Variants in UGT1A10 observed in about 807,000 individuals in gnomAD.
UGT1A10 encodes the protein UDP-glucuronosyltransferase 1A10.
UGT1A10 carries 49 observed loss-of-function variants against 45.8 expected under a neutral mutation model. That is an observed-to-expected ratio of 1.07 (90% CI 0.85 to 1.36). The LOEUF (loss-of-function observed/expected upper bound fraction) is 1.36. UGT1A10 is among the 40% of genes most tolerant of loss of function. The pLI is 0.00. For missense variants in UGT1A10, 745 were observed against 668.6 expected (o/e 1.11, Z -1.26); for synonymous variants, 284 against 249.7 (o/e 1.14, Z -1.29).
chr2:233,765,074 T>C (rs1191317330), intron 1 of UGT1A10, among the ~76,000 whole-genome samples: 1 of 152,100 alleles, frequency 6.6e-6, no homozygotes, highest in African/African-American at 2.4e-5. Context: ...GTCTCCTGTG[T>C]CTCACATCTA....
intron 1 of UGT1A10, chr2:233,713,124 C>A (rs746932812): frequency 6.2e-7 from 1 of 1,614,184 alleles, no homozygotes; most frequent in South Asian, 1.1e-5. Flanking sequence ...GCTCAGCATG[C>A]GGGAGGCCTT....
At chr2:233,678,776 C>T (rs1420912210) in intron 1 of UGT1A10, among the ~76,000 whole-genome samples, 2 of 152,172 alleles carry the variant, frequency 1.3e-5, no homozygotes, top group East Asian at 3.9e-4. Context: ...CTATTGATTC[C>T]CTGAGTGTGG....
In UGT1A10 at chr2:233,636,941, G is replaced by C. The variant is rs373903876; in HGVS notation, c.419G>C (p.Ser140Thr). The change falls in exon 1 of 5, where the codon AGT becomes ACT. Residue 140 changes from serine to threonine, a missense_variant. Physicochemically the swap from Ser to Thr is moderately conservative, Grantham distance 58. Coordinates refer to ENST00000344644, the MANE Select transcript of UGT1A10 (RefSeq NM_019075.4). ...DRKLVEYLKE[S>T]SFDAVFLDPF... Reference sequence around the variant, plus strand: ...AAATTAGTAGAATACTTAAAGGAGAGTTCTTTTGATGCAGTGTTTCTGGAT... The same window carrying C: ...AAATTAGTAGAATACTTAAAGGAGACTTCTTTTGATGCAGTGTTTCTGGAT... 4 of 1,614,028 alleles carry C rather than the reference G, an allele frequency of 2.5e-6. No homozygotes were observed. In the African/African-American group the frequency reaches 5.3e-5, roughly 22 times the overall value.
At chr2:233,718,658 G>A (rs3732218) in intron 1 of UGT1A10, 145,084 of 1,529,416 alleles carry the variant, frequency 0.095, 7,812 homozygotes, top group South Asian at 0.19. Flanking sequence ...ACGAAAGGCA[G>A]TTATAGATTA....
intron 1 of UGT1A10, 29 bp from the exon 2 acceptor site, chr2:233,767,005 T>A: frequency 1.2e-6 from 2 of 1,613,726 alleles, no homozygotes; most frequent in Non-Finnish European, 1.7e-6. Flanking sequence ...TGAGAAAAAA[T>A]TAACTGAAAA....
At chr2:233,757,102 G>A (rs1696403036) in intron 1 of UGT1A10, among the ~76,000 whole-genome samples, 2 of 151,258 alleles carry the variant, frequency 1.3e-5, no homozygotes, top group South Asian at 4.2e-4. Context: ...GAGGGAGGGG[G>A]CAAGCAGAAG....
chr2:233,683,319 A>G (rs906798140), intron 1 of UGT1A10, among the ~76,000 whole-genome samples: 1 of 152,112 alleles, frequency 6.6e-6, no homozygotes, highest in African/African-American at 2.4e-5. Flanking sequence ...CAGATTTGAC[A>G]TGTTCTTTTA....
At position 233,731,325 on chromosome 2, in the gene UGT1A10, G is replaced by A. The variant is rs28898622; in HGVS notation, c.856-35709G>A. Among the ~76,000 whole-genome samples, 886 of 147,182 alleles carry A rather than the reference G, an allele frequency of 6.0e-3. 61 individuals carry two copies. In the East Asian group the frequency reaches 0.15, roughly 25 times the overall value. On this transcript the variant is annotated intron_variant, in intron 1 of 4. Transcript: ENST00000344644. The stretch of plus-strand genomic sequence containing the variant: ...TTATACTTTAAGTTCTAGGGTACAT[G>A]TGCACAAATTGCAGGTTTGATACAT...
At chr2:233,724,729 A>G (rs1205720342) in intron 1 of UGT1A10, among the ~76,000 whole-genome samples, 1 of 143,524 alleles carries the variant, frequency 7.0e-6, no homozygotes, top group Non-Finnish European at 1.5e-5. Flanking sequence ...GCAGCCAGGC[A>G]GAGGGGCTCC....
chr2:233,670,731 G>T (rs999335945), intron 1 of UGT1A10, among the ~76,000 whole-genome samples: 2 of 152,138 alleles, frequency 1.3e-5, no homozygotes, highest in African/African-American at 2.4e-5. Context: ...TGTTGGGTTT[G>T]CAGGCAAGTA....
chr2:233,637,583 A>G (rs10929251), intron 1 of UGT1A10, among the ~76,000 whole-genome samples: 19,259 of 152,284 alleles, frequency 0.13, 1,292 homozygotes, highest in Non-Finnish European at 0.16. Context: ...GTAATAATTT[A>G]AAAATTATAG....
chr2:233,714,477 G>T (rs45505392), intron 1 of UGT1A10, among the ~76,000 whole-genome samples: 3,255 of 152,164 alleles, frequency 0.021, 104 homozygotes, highest in African/African-American at 0.073. Context: ...ATAGGAGAAT[G>T]TTTCTTGTGA....
intron 1 of UGT1A10, among the ~76,000 whole-genome samples, chr2:233,683,909 C>A (rs2074656150): frequency 6.6e-6 from 1 of 152,114 alleles, no homozygotes; most frequent in East Asian, 1.9e-4. Context: ...TTTGGCGGAG[C>A]ATATAGTTCC....
intron 1 of UGT1A10, chr2:233,760,741 C>G: frequency 6.2e-7 from 1 of 1,614,110 alleles, no homozygotes; most frequent in South Asian, 1.1e-5. Context: ...GCTGACGGAC[C>G]CTTTCCTTCC....
At chr2:233,668,786 A>G (rs1304062467) in intron 1 of UGT1A10, among the ~76,000 whole-genome samples, 1 of 152,236 alleles carries the variant, frequency 6.6e-6, no homozygotes. Flanking sequence ...TGTTTTCTTT[A>G]GATGTCATTA....
At chr2:233,637,480 C>G in intron 1 of UGT1A10, 103 bp downstream of exon 1, 2 of 1,498,182 alleles carry the variant, frequency 1.3e-6, no homozygotes, top group Non-Finnish European at 1.8e-6. Flanking sequence ...TGTTGCATTT[C>G]AAATTTCTTT....
chr2:233,643,404 C>A (rs1299751959), intron 1 of UGT1A10, among the ~76,000 whole-genome samples: 2 of 152,010 alleles, frequency 1.3e-5, no homozygotes, highest in Non-Finnish European at 2.9e-5. Flanking sequence ...CTTAAGTCAA[C>A]TTGTGGTGAA....
At chr2:233,679,338 G>A (rs2074449375) in intron 1 of UGT1A10, among the ~76,000 whole-genome samples, 2 of 152,172 alleles carry the variant, frequency 1.3e-5, no homozygotes, top group South Asian at 4.1e-4. Context: ...TTATTGTTGA[G>A]TCCTTCTTTT....
At chr2:233,646,738 A>G (rs923225499) in intron 1 of UGT1A10, among the ~76,000 whole-genome samples, 1 of 152,166 alleles carries the variant, frequency 6.6e-6, no homozygotes, top group African/African-American at 2.4e-5. Flanking sequence ...ATTTTGGGCA[A>G]AGCTATTCAA....
Sources: allele counts gnomAD v4.1 joint callset (sites outside exome capture counted in the v4.1 genomes callset), GRCh38; gene constraint gnomAD v4.1.1; transcripts MANE v1.5; gene names NCBI Gene and HGNC (gene_info 2026-07-23, HGNC 2026-07-21).